Variants in GPSM2 observed in about 807,000 individuals in gnomAD.
The protein encoded by GPSM2 is G protein-signaling modulator 2.
Under a neutral mutation model 78.4 loss-of-function variants are expected in GPSM2, and 58 were observed. The observed-to-expected ratio is 0.74, with a 90% confidence interval of 0.60 to 0.92. The LOEUF is 0.92. GPSM2 is among the 40% of genes least tolerant of loss of function. The probability of loss-of-function intolerance (pLI) is 0.00; values close to 1 mark genes in which losing one functional copy is unlikely to be tolerated. For synonymous variants in GPSM2, 224 were observed against 280.2 expected (o/e 0.80, Z 2.00); for missense variants, 700 against 815.5 (o/e 0.86, Z 1.73).
chr1:108,922,087 T>G (rs1306387527), intron 12 of GPSM2, among the ~76,000 whole-genome samples: 1 of 152,208 alleles, frequency 6.6e-6, no homozygotes, highest in African/African-American at 2.4e-5. Flanking sequence ...TAAGTGTACC[T>G]AAATTCCACT....
In GPSM2 at chr1:108,931,628, T is replaced by TAAAAA. The variant is rs71593448; in HGVS notation, c.*1699_*1703dup. On this transcript the variant is annotated 3_prime_UTR_variant, in exon 15 of 15. Transcript: ENST00000264126. ...GAATTAATTACATTAAGTGCTCAGC[T>TAAAAA]AAAAAAAAAAAAAAAGTTCTAAATT... The TAAAAA allele has an allele frequency of 3.0e-5, 24 of 811,186 alleles. No individual in the cohort carries two copies. Among genetic ancestry groups the TAAAAA allele is most frequent in the South Asian group, 1.2e-4 (4 of 34,322 alleles). 50.2% of individuals were successfully genotyped at this position (811,186 alleles called of 1,614,324 possible).
chr1:108,901,892 G>T lies in GPSM2; in HGVS notation c.900G>T (p.Lys300Asn), dbSNP rs756931607. The stretch of plus-strand genomic sequence containing the variant: ...ATACTTTACTTCAAGACTATGAAAA[G>T]GCCATTGATTATCATCTGAAGCACT... Reference protein sequence around the residue: ...NTYTLLQDYEKAIDYHLKHLA... With the variant: ...NTYTLLQDYENAIDYHLKHLA... Residue 300 changes from lysine (K) to asparagine (N), a missense_variant, in exon 8 of 15, where the codon AAG becomes AAT. Coordinates refer to ENST00000264126, the MANE Select transcript of GPSM2 (RefSeq NM_013296.5). 1 of 1,611,222 alleles carries T rather than the reference G, an allele frequency of 6.2e-7. No individual in the cohort carries two copies. Among genetic ancestry groups the T allele is most frequent in the Admixed American group, 1.7e-5 (1 of 60,008 alleles).
chr1:108,880,815 C>T, intron 1 of GPSM2, among the ~76,000 whole-genome samples: 1 of 147,180 alleles, frequency 6.8e-6, no homozygotes, highest in South Asian at 2.2e-4. Flanking sequence ...TTGTGTAGAT[C>T]CATGGATGGA....
At position 108,891,748 on chromosome 1, in the gene GPSM2, AC is replaced by A. The variant is rs201549965; in HGVS notation, c.57-5109del. ...TCGAACTCCTGGGCTCAAGCGATCC[AC>A]CCCCCCTTAGCCTCCCAAGTGCTGG... On this transcript the variant is annotated intron_variant, in intron 2 of 14. Coordinates refer to ENST00000264126, the MANE Select transcript of GPSM2 (RefSeq NM_013296.5). 6.8e-3 allele frequency among the ~76,000 whole-genome samples: 937 copies of A among 136,988 alleles called. 4 individuals are homozygous for A. Among genetic ancestry groups the A allele is most frequent in the African/African-American group, 0.023 (844 of 35,962 alleles). The allele number at this position is 136,988 out of a possible 152,430, so 89.9% of individuals were successfully genotyped here.
At chr1:108,910,379 T>C (rs1363050067) in intron 10 of GPSM2, among the ~76,000 whole-genome samples, 1 of 150,070 alleles carries the variant, frequency 6.7e-6, no homozygotes, top group Non-Finnish European at 1.5e-5. Flanking sequence ...TATAATACCT[T>C]ACACAAAAAT....
intron 1 of GPSM2, among the ~76,000 whole-genome samples, chr1:108,879,139 ATCT>A (rs1306892082): frequency 6.6e-6 from 1 of 152,250 alleles, no homozygotes; most frequent in African/African-American, 2.4e-5. Flanking sequence ...TATTTTCAAT[ATCT>A]TCTTAATCAT....
chr1:108,912,318 T>C (rs1253157945), intron 10 of GPSM2, among the ~76,000 whole-genome samples: 1 of 152,182 alleles, frequency 6.6e-6, no homozygotes, highest in Non-Finnish European at 1.5e-5. Flanking sequence ...GCTGTTGGCA[T>C]AAAGACAAAT....
Position 108,933,454 on chromosome 1 carries a change from T to C in GPSM2, c.*3514T>C, listed in dbSNP as rs953900072. 4.0e-5 allele frequency: 6 copies of C among 150,378 alleles called. No individual in the cohort carries two copies. The highest frequency in any genetic ancestry group is 8.9e-5 in the Non-Finnish European group (6 of 67,752). The allele number at this position is 150,378 out of a possible 1,614,324, so 9.3% of individuals were successfully genotyped here. A position where few individuals can be genotyped will look rare whatever the true frequency, so the allele number is the denominator to read the frequency against. On this transcript the variant is annotated 3_prime_UTR_variant, in exon 15 of 15. Coordinates refer to ENST00000264126, the MANE Select transcript of GPSM2 (RefSeq NM_013296.5). ...CACTGCACCTGGCCTAAAATTACAT[T>C]GTTACAGGCACGTAAGTAACACTTC...
chr1:108,896,359 A>G (rs1188694744), intron 2 of GPSM2, among the ~76,000 whole-genome samples: 1 of 151,946 alleles, frequency 6.6e-6, no homozygotes, highest in Non-Finnish European at 1.5e-5. Flanking sequence ...AAGGAGAGTG[A>G]GTGTGTGTTG....
intron 11 of GPSM2, among the ~76,000 whole-genome samples, chr1:108,915,296 G>C (rs1404823627): frequency 2.7e-5 from 4 of 147,182 alleles, no homozygotes; most frequent in African/African-American, 7.5e-5. Flanking sequence ...GCTTGAACCT[G>C]GGAGGCGGAG....
At chr1:108,911,685 T>C (rs1296696749) in intron 10 of GPSM2, among the ~76,000 whole-genome samples, 1 of 151,854 alleles carries the variant, frequency 6.6e-6, no homozygotes, top group African/African-American at 2.4e-5. Flanking sequence ...GGCCTCAACG[T>C]ACATAAAGCA....
intron 1 of GPSM2, among the ~76,000 whole-genome samples, chr1:108,879,454 T>A (rs1665786294): frequency 6.6e-6 from 1 of 152,254 alleles, no homozygotes; most frequent in African/African-American, 2.4e-5. Context: ...GCCTTATATG[T>A]TGCTGCTGGT....
At chr1:108,892,065 CA>C (rs1237030457) in intron 2 of GPSM2, among the ~76,000 whole-genome samples, 1 of 151,878 alleles carries the variant, frequency 6.6e-6, no homozygotes, top group Non-Finnish European at 1.5e-5. Flanking sequence ...GGTTCATGCC[CA>C]ATTAGAATAC....
intron 12 of GPSM2, among the ~76,000 whole-genome samples, chr1:108,919,576 A>G (rs1380432410): frequency 6.6e-6 from 1 of 152,044 alleles, no homozygotes; most frequent in Non-Finnish European, 1.5e-5. Flanking sequence ...TGTCTCTACC[A>G]AAAAATAAAA....
chr1:108,887,818 G>A (rs1647681725), intron 2 of GPSM2, among the ~76,000 whole-genome samples: 1 of 152,158 alleles, frequency 6.6e-6, no homozygotes, highest in Non-Finnish European at 1.5e-5. Flanking sequence ...GAAGGAATGG[G>A]TATTAAATAA....
At position 108,927,084 on chromosome 1, in the gene GPSM2, A is replaced by G. The variant is rs187331769; in HGVS notation, c.1816-2617A>G. On this transcript the variant is annotated intron_variant, in intron 14 of 14. Coordinates refer to ENST00000264126, the MANE Select transcript of GPSM2 (RefSeq NM_013296.5). ...GCATCAAAAAGAATAAAATACTTAG[A>G]AATTAATCACTGAGGCAAAGACTTG... Among the ~76,000 whole-genome samples, 41 of 152,352 alleles carry G rather than the reference A, an allele frequency of 2.7e-4. 1 individual carries two copies. The East Asian group carries it at 7.7e-3, about 29-fold the overall frequency.
intron 11 of GPSM2, among the ~76,000 whole-genome samples, chr1:108,917,681 A>G (rs1414070242): frequency 1.1e-5 from 1 of 92,054 alleles, no homozygotes; most frequent in East Asian, 4.0e-4. Context: ...AGTTCTCACT[A>G]TGTTGTCCAG....
At chr1:108,886,036 T>C (rs1647523989) in intron 2 of GPSM2, among the ~76,000 whole-genome samples, 1 of 151,972 alleles carries the variant, frequency 6.6e-6, no homozygotes, top group South Asian at 2.1e-4. Context: ...CCTTTTTTTG[T>C]ATATTTTTTA....
At chr1:108,915,989 C>T (rs1201597067) in intron 11 of GPSM2, among the ~76,000 whole-genome samples, 1 of 151,570 alleles carries the variant, frequency 6.6e-6, no homozygotes, top group Non-Finnish European at 1.5e-5. Flanking sequence ...TGCCTGTAAT[C>T]CCAGCACTTT....
Sources: gnomAD v4.1 joint callset for allele counts (sites outside exome capture counted in the v4.1 genomes callset) on GRCh38, gnomAD v4.1.1 for gene constraint, MANE v1.5 for transcripts, NCBI Gene and HGNC (gene_info 2026-07-23, HGNC 2026-07-21) for gene names.